The following LEPR variants were observed in gnomAD, a reference collection of about 807,000 sequenced individuals.
LEPR encodes OB receptor.
Under a neutral mutation model 114.7 loss-of-function variants are expected in LEPR, and 56 were observed. The observed-to-expected ratio is 0.49, with a 90% CI of 0.39 to 0.61. The LOEUF (loss-of-function observed/expected upper bound fraction) is 0.61, where lower values mean the gene tolerates loss of function less well. Ranked by LOEUF, LEPR falls within the 20% of genes least tolerant of loss-of-function variation. The probability of loss-of-function intolerance (pLI) is 0.00; values close to 1 mark genes in which losing one functional copy is unlikely to be tolerated. For synonymous variants in LEPR, 443 were observed against 461.4 expected (o/e 0.96, Z 0.51); for missense variants, 1,202 against 1,352.9 (o/e 0.89, Z 1.75).
intron 2 of LEPR, chr1:65,525,574 C>A: frequency 1.0e-6 from 1 of 954,858 alleles, no homozygotes. Flanking sequence ...GCGCGGGGCG[C>A]ACGCGGGCGG....
At chr1:65,526,049 A>C in intron 2 of LEPR, 1 of 918,562 alleles carries the variant, frequency 1.1e-6, no homozygotes, top group Non-Finnish European at 1.3e-6. Context: ...GGGGCGAGGA[A>C]GATCTGGACA....
intron 2 of LEPR, among the ~76,000 whole-genome samples, chr1:65,551,703 C>T (rs2802469): frequency 0.62 from 94,263 of 151,850 alleles, 30,212 homozygotes; most frequent in Middle Eastern, 0.74. Flanking sequence ...GTCTCTATCT[C>T]CTTCAGTTCT....
At chr1:65,442,501 G>T (rs950038676) in intron 2 of LEPR, among the ~76,000 whole-genome samples, 1 of 152,102 alleles carries the variant, frequency 6.6e-6, no homozygotes, top group Non-Finnish European at 1.5e-5. Flanking sequence ...ACCACCTTGG[G>T]CACATGTTCT....
intron 2 of LEPR, among the ~76,000 whole-genome samples, chr1:65,542,443 A>G (rs1651297820): frequency 6.6e-6 from 1 of 151,960 alleles, no homozygotes; most frequent in Admixed American, 6.6e-5. Context: ...AATATGGATG[A>G]GAAACATTGT....
At chr1:65,441,604 C>T (rs559082002) in intron 2 of LEPR, among the ~76,000 whole-genome samples, 19 of 152,018 alleles carry the variant, frequency 1.2e-4, no homozygotes, top group South Asian at 1.0e-3. Context: ...CTATGGCCCA[C>T]GACAGGGAAG....
At chr1:65,540,573 C>T (rs944287960) in intron 2 of LEPR, among the ~76,000 whole-genome samples, 2 of 152,176 alleles carry the variant, frequency 1.3e-5, no homozygotes, top group Non-Finnish European at 2.9e-5. Context: ...GAGGCCCTCA[C>T]CAGAAGCAGA....
chr1:65,630,901 C>CT (rs1658492419), intron 19 of LEPR, among the ~76,000 whole-genome samples: 1 of 151,964 alleles, frequency 6.6e-6, no homozygotes, highest in Admixed American at 6.6e-5. Context: ...TTTAAAAATT[C>CT]TTTTTTCTTC....
At chr1:65,543,639 T>G (rs1421446427) in intron 2 of LEPR, among the ~76,000 whole-genome samples, 1 of 151,966 alleles carries the variant, frequency 6.6e-6, no homozygotes, top group Non-Finnish European at 1.5e-5. Flanking sequence ...TTGAGTTAAT[T>G]TTTGTATAAG....
At chr1:65,491,114 A>G (rs1434195811) in intron 2 of LEPR, among the ~76,000 whole-genome samples, 1 of 152,116 alleles carries the variant, frequency 6.6e-6, no homozygotes, top group African/African-American at 2.4e-5. Context: ...AACAATATGC[A>G]ATTATATATG....
chr1:65,550,968 C>T (rs533597368), intron 2 of LEPR, among the ~76,000 whole-genome samples: 1 of 151,882 alleles, frequency 6.6e-6, no homozygotes, highest in East Asian at 2.0e-4. Context: ...TGGCTCCTCC[C>T]CCCATCATGT....
intron 2 of LEPR, among the ~76,000 whole-genome samples, chr1:65,534,947 A>G (rs546905829): frequency 1.3e-5 from 2 of 152,316 alleles, no homozygotes; most frequent in Non-Finnish European, 2.9e-5. Context: ...ATACTTTCTT[A>G]TTGTAACTTT....
chr1:65,570,637 G>C lies in LEPR; in HGVS notation c.205G>C (p.Glu69Gln). The change falls in exon 4 of 20, where the codon GAA (glutamate) becomes CAA (glutamine). Residue 69 changes from glutamate to glutamine, a missense_variant. Transcript: ENST00000349533. ...NSNGHYETAVEPKFNSSGTHF... is the reference protein window; with the variant it reads ...NSNGHYETAVQPKFNSSGTHF... ...GAATGGACATTATGAGACAGCTGTT[G>C]AACCTAAGTTTAATTCAAGTGGTAC... 1 of 1,613,946 alleles carries C rather than the reference G, an allele frequency of 6.2e-7. No individual in the cohort carries two copies. Among genetic ancestry groups the C allele is most frequent in the Non-Finnish European group, 8.5e-7 (1 of 1,179,932 alleles).
intron 2 of LEPR, among the ~76,000 whole-genome samples, chr1:65,564,220 G>A (rs1403415512): frequency 1.3e-5 from 2 of 150,938 alleles, no homozygotes; most frequent in African/African-American, 4.8e-5. Flanking sequence ...GTGGGCGTAG[G>A]ACCCTCCGAG....
intron 2 of LEPR, among the ~76,000 whole-genome samples, chr1:65,461,154 T>C (rs1012713580): frequency 1.3e-5 from 2 of 151,984 alleles, no homozygotes; most frequent in African/African-American, 4.8e-5. Context: ...TTTGTATTTT[T>C]AGTAAAGATG....
chr1:65,586,163 T>C (rs188426900), intron 5 of LEPR, among the ~76,000 whole-genome samples: 134 of 152,140 alleles, frequency 8.8e-4, no homozygotes, highest in Admixed American at 2.6e-3. Context: ...AAATGAATAT[T>C]GAACATGATG....
rs764058707 is a variant in LEPR, at chr1:65,636,484, G to A, written c.2967G>A (p.Leu989=). Residue 989 remains leucine, a synonymous_variant, in exon 20 of 20, where the codon CTG becomes CTA. Transcript: ENST00000349533. ...AACCCTTTGTTAAATACGCCACGCT[G>A]ATCAGCAACTCTAAACCAAGTGAAA... ...QRQPFVKYAT[L]ISNSKPSETG... is the part of the protein sequence containing the mutation. 1 of 1,614,072 alleles carries A rather than the reference G, an allele frequency of 6.2e-7. No individual in the cohort carries two copies. The highest frequency in any genetic ancestry group is 8.5e-7 in the Non-Finnish European group (1 of 1,179,998).
intron 19 of LEPR, among the ~76,000 whole-genome samples, chr1:65,625,557 C>T (rs1054185692): frequency 2.0e-5 from 3 of 151,850 alleles, no homozygotes; most frequent in Non-Finnish European, 2.9e-5. Context: ...ATATAATGAT[C>T]CAATCACAAC....
chr1:65,423,021 C>T (rs1025483286), intron 1 of LEPR, among the ~76,000 whole-genome samples: 11 of 152,160 alleles, frequency 7.2e-5, no homozygotes, highest in Non-Finnish European at 1.3e-4. Flanking sequence ...TCACCTTGAC[C>T]TACTGATTCA....
intron 2 of LEPR, among the ~76,000 whole-genome samples, chr1:65,454,353 A>G (rs1295354208): frequency 6.6e-6 from 1 of 151,224 alleles, no homozygotes; most frequent in African/African-American, 2.4e-5. Context: ...TTTGCTCGTT[A>G]GTTCATGCAG....
Sources: allele counts gnomAD v4.1 joint callset (sites outside exome capture counted in the v4.1 genomes callset), GRCh38; gene constraint gnomAD v4.1.1; transcripts MANE v1.5; gene names NCBI Gene and HGNC (gene_info 2026-07-23, HGNC 2026-07-21).